GFM1: variants seen among roughly 807,000 people sequenced by gnomAD.
The protein encoded by GFM1 is elongation factor G, mitochondrial.
In GFM1, 62 loss-of-function variants were observed where a neutral mutation model predicts 96.2. That is an observed-to-expected ratio of 0.64 (90% CI 0.53 to 0.80). The LOEUF (loss-of-function observed/expected upper bound fraction) is 0.80, where lower values mean the gene tolerates loss of function less well. GFM1 is among the 30% of genes least tolerant of loss of function. GFM1 has a pLI of 0.00. For missense variants in GFM1, 852 were observed against 916.6 expected (o/e 0.93, Z 0.91); for synonymous variants, 282 against 312.9 (o/e 0.90, Z 1.04).
At chr3:158,657,947 TTTATC>T (rs1210643003) in intron 8 of GFM1, among the ~76,000 whole-genome samples, 1 of 152,114 alleles carries the variant, frequency 6.6e-6, no homozygotes, top group East Asian at 1.9e-4. Flanking sequence ...CAGGGTTAGT[TTTATC>T]TTATTACCAT....
At chr3:158,677,485 A>G (rs1385994905) in intron 13 of GFM1, among the ~76,000 whole-genome samples, 1 of 152,218 alleles carries the variant, frequency 6.6e-6, no homozygotes, top group African/African-American at 2.4e-5. Flanking sequence ...TGTTGGCTAC[A>G]CAGAACAACA....
intron 9 of GFM1, among the ~76,000 whole-genome samples, chr3:158,659,322 C>T (rs1401408361): frequency 6.6e-6 from 1 of 152,044 alleles, no homozygotes; most frequent in Non-Finnish European, 1.5e-5. Flanking sequence ...GACAGTTCCC[C>T]AACACTCAGA....
At chr3:158,658,823 G>A in intron 8 of GFM1, 99 bp from the exon 9 acceptor site, 1 of 1,250,838 alleles carries the variant, frequency 8.0e-7, no homozygotes, top group Non-Finnish European at 1.2e-6. Context: ...TACTAAAATT[G>A]GTAGAGAATA....
intron 11 of GFM1, among the ~76,000 whole-genome samples, chr3:158,664,225 T>C (rs766952451): frequency 1.3e-5 from 2 of 152,252 alleles, no homozygotes; most frequent in East Asian, 3.8e-4. Context: ...TATTGCTGAC[T>C]TAAGAAGTTA....
chr3:158,672,315 A>AG, intron 13 of GFM1: 2 of 1,610,722 alleles, frequency 1.2e-6, no homozygotes, highest in Non-Finnish European at 1.7e-6. Context: ...GCAATCCTGA[A>AG]GCCTCTGCTG....
At chr3:158,664,895 C>T (rs143051549) in intron 11 of GFM1, among the ~76,000 whole-genome samples, 7 of 152,300 alleles carry the variant, frequency 4.6e-5, no homozygotes, top group East Asian at 1.9e-4. Flanking sequence ...GGACAAGTCT[C>T]ATCGTGGTAT....
intron 13 of GFM1, among the ~76,000 whole-genome samples, chr3:158,667,239 C>T (rs1723800241): frequency 1.3e-5 from 2 of 152,304 alleles, no homozygotes; most frequent in South Asian, 4.2e-4. Flanking sequence ...AATCTATTCT[C>T]TTACACTAAA....
At chr3:158,686,673 G>T (rs1725881399) in intron 15 of GFM1, among the ~76,000 whole-genome samples, 1 of 146,066 alleles carries the variant, frequency 6.8e-6, no homozygotes, top group African/African-American at 2.5e-5. Flanking sequence ...ATAATTAATT[G>T]CCTATTAAAT....
chr3:158,691,749 G>T lies in GFM1; in HGVS notation c.*282G>T. 1 of 284,672 alleles carries T rather than the reference G, an allele frequency of 3.5e-6. No individual in the cohort carries two copies. The highest frequency in any genetic ancestry group is 6.8e-6 in the Non-Finnish European group (1 of 147,958). The allele number at this position is 284,672 out of a possible 1,614,324, so 17.6% of individuals were successfully genotyped here. A position where few individuals can be genotyped will look rare whatever the true frequency, so the allele number is the denominator to read the frequency against. On this transcript the variant is annotated 3_prime_UTR_variant, in exon 18 of 18. Transcript: ENST00000486715. ...TACTGAAATATGTTTAATATTTAAG[G>T]GGAAAAGAGACTAATTTCAGTTATA... is the stretch of plus-strand genomic sequence containing the variant.
chr3:158,663,300 A>G (rs1011454738), intron 11 of GFM1, among the ~76,000 whole-genome samples: 2 of 152,222 alleles, frequency 1.3e-5, no homozygotes, highest in Non-Finnish European at 2.9e-5. Flanking sequence ...TCTGATCTCA[A>G]ACCATAACTT....
At chr3:158,685,496 AATC>A (rs1428871508) in intron 15 of GFM1, among the ~76,000 whole-genome samples, 9 of 152,226 alleles carry the variant, frequency 5.9e-5, no homozygotes, top group African/African-American at 2.2e-4. Context: ...TAGAAACTTT[AATC>A]ATAATATTTC....
intron 11 of GFM1, among the ~76,000 whole-genome samples, chr3:158,665,078 T>C (rs1723529569): frequency 6.6e-6 from 1 of 152,202 alleles, no homozygotes; most frequent in East Asian, 1.9e-4. Flanking sequence ...GGACAGGGCA[T>C]AGAGTTAAGT....
At chr3:158,689,593 G>C (rs893578629) in intron 15 of GFM1, among the ~76,000 whole-genome samples, 13 of 152,116 alleles carry the variant, frequency 8.5e-5, no homozygotes, top group African/African-American at 3.1e-4. Flanking sequence ...TGGCCAACAT[G>C]TCGAAAGCCT....
At position 158,645,672 on chromosome 3, in the gene GFM1, C is replaced by G; in HGVS notation, c.125C>G (p.Pro42Arg). The change falls in exon 2 of 18, where the codon CCT (proline) becomes CGT (arginine). Residue 42 changes from proline (P) to arginine (R), a missense_variant. By Grantham distance (103) the Pro-to-Arg change is moderately radical. Transcript: ENST00000486715. ...ACRWSSSGVIPNEKIRNIGIS... is the reference protein window; with the variant it reads ...ACRWSSSGVIRNEKIRNIGIS... ...CGATGGTCTTCATCAGGGGTGATTC[C>G]TAATGAAAAAATACGAAATATTGGA... The G allele has an allele frequency of 6.2e-7, 1 of 1,612,754 alleles. No homozygotes were observed. The highest frequency in any genetic ancestry group is 8.5e-7 in the Non-Finnish European group (1 of 1,178,856).
intron 8 of GFM1, 144 bp from the exon 9 acceptor site, chr3:158,658,777 AG>A: frequency 1.3e-6 from 1 of 779,580 alleles, no homozygotes; most frequent in Admixed American, 2.1e-5. Flanking sequence ...AGCTAGTATT[AG>A]TTTATGACAA....
intron 8 of GFM1, 98 bp from the exon 9 acceptor site, chr3:158,658,824 G>T: frequency 7.8e-7 from 1 of 1,276,756 alleles, no homozygotes; most frequent in Non-Finnish European, 1.1e-6. Context: ...ACTAAAATTG[G>T]TAGAGAATAC....
chr3:158,671,238 G>A (rs1230134134), intron 13 of GFM1, among the ~76,000 whole-genome samples: 1 of 152,182 alleles, frequency 6.6e-6, no homozygotes, highest in African/African-American at 2.4e-5. Flanking sequence ...TAGGATAAAA[G>A]CATACAAATT....
chr3:158,674,009 A>G (rs917794385), intron 13 of GFM1, among the ~76,000 whole-genome samples: 6 of 151,504 alleles, frequency 4.0e-5, no homozygotes, highest in African/African-American at 1.5e-4. Flanking sequence ...ATCAAATGTC[A>G]ATGAAACTTT....
rs1726445164 is a variant in GFM1, at chr3:158,693,638, A to G, written c.*2171A>G. ...TGGAAAAAAATTAATGAGAATATTC[A>G]TAGGTGAGGGTTGTTTATACTACTA... On this transcript the variant is annotated 3_prime_UTR_variant, in exon 18 of 18. Coordinates refer to ENST00000486715, the MANE Select transcript of GFM1 (RefSeq NM_024996.7). The G allele has an allele frequency of 6.6e-6, 1 of 152,234 alleles. No homozygotes were observed. Among genetic ancestry groups the G allele is most frequent in the African/African-American group, 2.4e-5 (1 of 41,466 alleles). 9.4% of individuals were successfully genotyped at this position (152,234 alleles called of 1,614,324 possible).
Sources: gnomAD v4.1 joint callset for allele counts (sites outside exome capture counted in the v4.1 genomes callset) on GRCh38, gnomAD v4.1.1 for gene constraint, MANE v1.5 for transcripts, NCBI Gene and HGNC (gene_info 2026-07-23, HGNC 2026-07-21) for gene names.